INPP4B: variants seen among roughly 807,000 people sequenced by gnomAD.
INPP4B encodes the protein inositol polyphosphate-4-phosphatase type II B.
In INPP4B, 55 loss-of-function variants were observed where a neutral mutation model predicts 122.5. That is an observed-to-expected ratio of 0.45 (90% CI 0.36 to 0.56). The LOEUF (loss-of-function observed/expected upper bound fraction) is 0.56, where lower values mean the gene tolerates loss of function less well. INPP4B is among the 20% of genes least tolerant of loss of function. The probability of loss-of-function intolerance (pLI) is 0.00; values close to 1 mark genes in which losing one functional copy is unlikely to be tolerated. For synonymous variants in INPP4B, 403 were observed against 388.7 expected, an observed-to-expected ratio of 1.04 and a Z score of -0.43; for missense variants, 1,000 against 1,097.7, an observed-to-expected ratio of 0.91 and a Z score of 1.26.
rs116925904 is a variant in INPP4B at position 142,221,930 on chromosome 4, C to T, written c.837-12904G>A. Among the ~76,000 whole-genome samples, 279 of 152,188 alleles carry T rather than the reference C, an allele frequency of 1.8e-3. No individual in the cohort carries two copies. In the East Asian group the frequency reaches 0.024, roughly 13 times the overall value. ...GTCAATGAGGTCCTTTCCTTCTTAACCTGGTGCTTATCCACTATTTCTGTT... is the reference window on the plus strand; with the variant it reads ...GTCAATGAGGTCCTTTCCTTCTTAATCTGGTGCTTATCCACTATTTCTGTT... On this transcript the variant is annotated intron_variant, in intron 12 of 25. Coordinates refer to ENST00000262992, the MANE Select transcript of INPP4B (RefSeq NM_001101669.3).
At chr4:142,175,484 T>C (rs1827720206) in intron 15 of INPP4B, among the ~76,000 whole-genome samples, 2 of 152,124 alleles carry the variant, frequency 1.3e-5, no homozygotes, top group Admixed American at 1.3e-4. Flanking sequence ...AAGAAGTCAA[T>C]GAAGGTATCA....
chr4:142,574,053 T>C (rs927676272), intron 2 of INPP4B, among the ~76,000 whole-genome samples: 2 of 152,180 alleles, frequency 1.3e-5, no homozygotes, highest in Admixed American at 6.5e-5. Flanking sequence ...AAAAGTACCA[T>C]TGCTAAAATT....
intron 2 of INPP4B, among the ~76,000 whole-genome samples, chr4:142,669,081 T>A (rs1756605549): frequency 6.6e-6 from 1 of 151,670 alleles, no homozygotes; most frequent in African/African-American, 2.4e-5. Flanking sequence ...AAAATAAAAA[T>A]AAATAAAATG....
At position 142,666,375 on chromosome 4, in the gene INPP4B, T is replaced by TA. The variant is rs530231504; in HGVS notation, c.-191+59463dup. Among the ~76,000 whole-genome samples the TA allele has an allele frequency of 2.0e-5, 3 of 152,016 alleles. No individual in the cohort carries two copies. The East Asian group carries it at 5.8e-4, about 29-fold the overall frequency. Reference sequence around the variant, plus strand: ...AAAGTAAAGCTTAAAAATACAAAGATAAAAAAGAGTTTAGAGGTAAATAAA... The same window carrying TA: ...AAAGTAAAGCTTAAAAATACAAAGATAAAAAAAGAGTTTAGAGGTAAATAAA... On this transcript the variant is annotated intron_variant, in intron 2 of 25. Coordinates refer to ENST00000262992, the MANE Select transcript of INPP4B (RefSeq NM_001101669.3).
chr4:142,133,943 T>A (rs1273757448), intron 18 of INPP4B, among the ~76,000 whole-genome samples: 1 of 152,216 alleles, frequency 6.6e-6, no homozygotes, highest in African/African-American at 2.4e-5. Flanking sequence ...TCAAAACCCT[T>A]TTACGTTGCT....
chr4:142,567,295 C>A (rs1731820477), intron 2 of INPP4B, among the ~76,000 whole-genome samples: 1 of 152,210 alleles, frequency 6.6e-6, no homozygotes, highest in South Asian at 2.1e-4. Flanking sequence ...AGAGGGTGGG[C>A]AGAAGACCCA....
rs1816202170 is a variant in INPP4B, at chr4:142,459,266, A to G, written c.-127+3397T>C. Among the ~76,000 whole-genome samples, 5 of 150,262 alleles carry G rather than the reference A, an allele frequency of 3.3e-5. No homozygotes were observed. The South Asian group carries it at 1.1e-3, about 32-fold the overall frequency. ...AGTTTTCACAGATACGGATCAAAGGACAGTGCCTGAAAACAAACAAATGAA... is the reference window on the plus strand; with the variant it reads ...AGTTTTCACAGATACGGATCAAAGGGCAGTGCCTGAAAACAAACAAATGAA... On this transcript the variant is annotated intron_variant, in intron 3 of 25. Coordinates refer to ENST00000262992, the MANE Select transcript of INPP4B (RefSeq NM_001101669.3).
intron 9 of INPP4B, among the ~76,000 whole-genome samples, chr4:142,295,094 T>C (rs1297767119): frequency 1.3e-5 from 2 of 152,118 alleles, no homozygotes; most frequent in Non-Finnish European, 2.9e-5. Context: ...GGAAGGGTCT[T>C]AGTTTAACCT....
intron 2 of INPP4B, among the ~76,000 whole-genome samples, chr4:142,511,658 T>G (rs1242954881): frequency 6.6e-6 from 1 of 152,130 alleles, no homozygotes; most frequent in Non-Finnish European, 1.5e-5. Context: ...CCAGATCAAC[T>G]AAATCAGAAT....
intron 11 of INPP4B, among the ~76,000 whole-genome samples, chr4:142,253,856 G>C (rs1233642265): frequency 6.6e-6 from 1 of 152,138 alleles, no homozygotes; most frequent in Non-Finnish European, 1.5e-5. Context: ...GCCCACCACA[G>C]CTCAAGGAGG....
chr4:142,098,710 C>G (rs1217198978), intron 23 of INPP4B, among the ~76,000 whole-genome samples: 1 of 151,968 alleles, frequency 6.6e-6, no homozygotes, highest in African/African-American at 2.4e-5. Context: ...TTAATATAAA[C>G]GTAGATGGGG....
At chr4:142,413,797 A>C (rs1314528732) in intron 5 of INPP4B, among the ~76,000 whole-genome samples, 1 of 152,246 alleles carries the variant, frequency 6.6e-6, no homozygotes, top group East Asian at 1.9e-4. Context: ...TTTAACCAAT[A>C]GCTTAGTATT....
At chr4:142,575,177 C>G (rs1340117679) in intron 2 of INPP4B, among the ~76,000 whole-genome samples, 1 of 151,352 alleles carries the variant, frequency 6.6e-6, no homozygotes, top group Admixed American at 6.6e-5. Context: ...GTCCCAAATC[C>G]AATTTGACCC....
At chr4:142,204,064 G>A (rs558255711) in intron 14 of INPP4B, among the ~76,000 whole-genome samples, 40 of 151,984 alleles carry the variant, frequency 2.6e-4, no homozygotes, top group African/African-American at 7.2e-4. Context: ...AACTTTTAAC[G>A]TTTTCATTTT....
intron 1 of INPP4B, among the ~76,000 whole-genome samples, chr4:142,795,980 T>C (rs543251679): frequency 6.6e-6 from 1 of 152,126 alleles, no homozygotes; most frequent in East Asian, 1.9e-4. Flanking sequence ...AAGAATATTA[T>C]CTAATATGAG....
chr4:142,786,896 CTAGAGG>C, intron 1 of INPP4B, among the ~76,000 whole-genome samples: 2 of 151,870 alleles, frequency 1.3e-5, no homozygotes, highest in South Asian at 4.2e-4. Context: ...CAAGAGGAAT[CTAGAGG>C]TATGACAAGT....
chr4:142,317,316 G>T, intron 7 of INPP4B: 1 of 385,760 alleles, frequency 2.6e-6, no homozygotes, highest in South Asian at 2.3e-5. Context: ...CAGCCTAGAT[G>T]AGCAAATTTA....
At chr4:142,394,677 T>A (rs975957776) in intron 7 of INPP4B, among the ~76,000 whole-genome samples, 5 of 152,232 alleles carry the variant, frequency 3.3e-5, no homozygotes, top group African/African-American at 1.2e-4. Context: ...GTTTTCTCAT[T>A]ATTGAGTTGT....
intron 2 of INPP4B, among the ~76,000 whole-genome samples, chr4:142,560,925 T>A (rs1406071719): frequency 2.0e-5 from 3 of 152,204 alleles, no homozygotes; most frequent in Non-Finnish European, 4.4e-5. Context: ...CAACTACTAA[T>A]TTTTAAAAAA....
Sources: gnomAD v4.1 joint callset for allele counts (sites outside exome capture counted in the v4.1 genomes callset) on GRCh38, gnomAD v4.1.1 for gene constraint, MANE v1.5 for transcripts, NCBI Gene and HGNC (gene_info 2026-07-23, HGNC 2026-07-21) for gene names.